The following SUPT3H variants were observed in gnomAD, a reference collection of about 807,000 sequenced individuals.
SUPT3H encodes the protein SPT3 homolog, SAGA and STAGA complex component.
SUPT3H carries 44 observed loss-of-function variants against 44.3 expected under a neutral mutation model. The ratio of observed to expected loss-of-function variants is 0.99; its 90% CI spans 0.78 to 1.28. The LOEUF is 1.28. Ranked by LOEUF, SUPT3H falls within the 50% of genes most tolerant of loss-of-function variation. The pLI, the probability that SUPT3H is intolerant of heterozygous loss-of-function variation, is 0.00. For synonymous variants in SUPT3H, 124 were observed against 125.6 expected (o/e 0.99, Z 0.09); for missense variants, 380 against 387.1 (o/e 0.98, Z 0.15).
chr6:45,124,986 GTGAT>G (rs1392882664), intron 2 of SUPT3H, among the ~76,000 whole-genome samples: 1 of 152,120 alleles, frequency 6.6e-6, no homozygotes, highest in East Asian at 1.9e-4. Context: ...TGTGACTGGA[GTGAT>G]GAATCTAAAA....
intron 1 of SUPT3H, among the ~76,000 whole-genome samples, chr6:45,368,217 T>C (rs535074565): frequency 1.3e-5 from 2 of 152,252 alleles, no homozygotes; most frequent in East Asian, 3.9e-4. Flanking sequence ...GATGTGCAGA[T>C]TGGGACCTAG....
At chr6:45,000,313 A>AAC (rs1341479889) in intron 6 of SUPT3H, among the ~76,000 whole-genome samples, 1 of 152,032 alleles carries the variant, frequency 6.6e-6, no homozygotes, top group Non-Finnish European at 1.5e-5. Context: ...TTGGACTGTT[A>AAC]GCTTTACAGA....
At chr6:44,902,026 C>T (rs1319422065) in intron 10 of SUPT3H, among the ~76,000 whole-genome samples, 1 of 152,038 alleles carries the variant, frequency 6.6e-6, no homozygotes, top group Non-Finnish European at 1.5e-5. Flanking sequence ...GAAGGAAGCA[C>T]TAAACATGGA....
In SUPT3H at chr6:44,858,470, C is replaced by T. The variant is rs143732218; in HGVS notation, c.913-28613G>A. Among the ~76,000 whole-genome samples the T allele has an allele frequency of 4.1e-3, 627 of 152,232 alleles. 17 individuals are homozygous for T. Among genetic ancestry groups the T allele is most frequent in the Admixed American group, 0.032 (490 of 15,278 alleles). On this transcript the variant is annotated intron_variant, in intron 10 of 10. Transcript: ENST00000371459. ...GAACCTTCTGTATTTTGTTGCATTG[C>T]TTTGTTTTGGTAGTGGCTTGTCAAT...
intron 2 of SUPT3H, among the ~76,000 whole-genome samples, chr6:45,155,995 A>G (rs1583884360): frequency 6.6e-6 from 1 of 152,268 alleles, no homozygotes; most frequent in East Asian, 1.9e-4. Context: ...AGCCAAACTC[A>G]TTACCTCTTA....
intron 2 of SUPT3H, among the ~76,000 whole-genome samples, chr6:45,173,592 T>G (rs531722278): frequency 6.6e-6 from 1 of 152,348 alleles, no homozygotes; most frequent in African/African-American, 2.4e-5. Context: ...CACTGACATC[T>G]GACACCTGTA....
At chr6:45,197,594 A>C in intron 2 of SUPT3H, 1 of 314,322 alleles carries the variant, frequency 3.2e-6, no homozygotes, top group Non-Finnish European at 6.3e-6. Flanking sequence ...TAACAAAATT[A>C]AGGTAAACTA....
chr6:45,361,523 G>A (rs188408078), intron 2 of SUPT3H: 228 of 152,166 alleles, frequency 1.5e-3, no homozygotes, highest in African/African-American at 5.3e-3. Flanking sequence ...TAAGAAGTTT[G>A]TTAAAATACC....
At chr6:45,300,851 A>G (rs1217242413) in intron 2 of SUPT3H, among the ~76,000 whole-genome samples, 2 of 146,938 alleles carry the variant, frequency 1.4e-5, no homozygotes, top group Non-Finnish European at 3.0e-5. Flanking sequence ...AACTCTGTGC[A>G]CATGATTGAG....
chr6:44,924,928 C>T (rs879919990), intron 10 of SUPT3H, among the ~76,000 whole-genome samples: 2 of 152,052 alleles, frequency 1.3e-5, no homozygotes, highest in African/African-American at 4.8e-5. Context: ...TATTTTGTGA[C>T]ATTTAATTTT....
intron 2 of SUPT3H, among the ~76,000 whole-genome samples, chr6:45,131,750 C>A (rs1803500572): frequency 6.6e-6 from 1 of 152,066 alleles, no homozygotes; most frequent in African/African-American, 2.4e-5. Context: ...AAATATTATT[C>A]CCAAAAAGCA....
chr6:45,037,992 T>A lies in SUPT3H; in HGVS notation c.187-17360A>T, dbSNP rs577439264. On this transcript the variant is annotated intron_variant, in intron 3 of 10. Coordinates refer to ENST00000371459, the MANE Select transcript of SUPT3H (RefSeq NM_003599.4). ...AGTTTAAAGGATAGGTTTAATCATG[T>A]AAATATTTTGTCACTGAGGAAATTT... 2.0e-5 allele frequency among the ~76,000 whole-genome samples: 3 copies of A among 152,316 alleles called. No homozygotes were observed. In the East Asian group the frequency reaches 5.8e-4, roughly 29 times the overall value.
chr6:44,930,018 T>C (rs1362493665), intron 10 of SUPT3H, among the ~76,000 whole-genome samples: 1 of 151,464 alleles, frequency 6.6e-6, no homozygotes, highest in Non-Finnish European at 1.5e-5. Flanking sequence ...GAGGCCGAGG[T>C]GGGTGGATCA....
At chr6:44,904,373 T>C (rs140724812) in intron 10 of SUPT3H, among the ~76,000 whole-genome samples, 8,041 of 152,018 alleles carry the variant, frequency 0.053, 733 homozygotes, top group African/African-American at 0.18. Flanking sequence ...TATACACCAA[T>C]AACAGACAAA....
At chr6:44,932,143 T>C (rs1000412150) in intron 10 of SUPT3H, among the ~76,000 whole-genome samples, 1 of 152,144 alleles carries the variant, frequency 6.6e-6, no homozygotes, top group Non-Finnish European at 1.5e-5. Flanking sequence ...TAATTCCCCA[T>C]TAAAACAACA....
intron 10 of SUPT3H, among the ~76,000 whole-genome samples, chr6:44,901,552 G>A (rs1765057512): frequency 2.0e-5 from 3 of 151,996 alleles, no homozygotes; most frequent in African/African-American, 7.3e-5. Context: ...TCTGATTGGT[G>A]TACCTGAAAG....
chr6:45,156,900 T>C (rs887350513), intron 2 of SUPT3H, among the ~76,000 whole-genome samples: 5 of 151,992 alleles, frequency 3.3e-5, no homozygotes, highest in African/African-American at 1.2e-4. Context: ...TTTATGGTTT[T>C]AGTGAAAAAA....
At chr6:45,293,956 A>C (rs1780711480) in intron 2 of SUPT3H, among the ~76,000 whole-genome samples, 1 of 152,140 alleles carries the variant, frequency 6.6e-6, no homozygotes, top group African/African-American at 2.4e-5. Context: ...CAAGATAGAG[A>C]AAGAGGGAAC....
At chr6:45,229,393 C>T (rs1344600520) in intron 2 of SUPT3H, among the ~76,000 whole-genome samples, 1 of 152,058 alleles carries the variant, frequency 6.6e-6, no homozygotes, top group Non-Finnish European at 1.5e-5. Context: ...TACTGCCCCA[C>T]TGCATGAAAT....
Sources: allele counts gnomAD v4.1 joint callset (sites outside exome capture counted in the v4.1 genomes callset), GRCh38; gene constraint gnomAD v4.1.1; transcripts MANE v1.5; gene names NCBI Gene and HGNC (gene_info 2026-07-23, HGNC 2026-07-21).